The following VAT1L variants were observed in gnomAD, a reference collection of about 807,000 sequenced individuals.
The protein encoded by VAT1L is putative NADPH-dependent quinone oxidoreductase VAT1L.
In VAT1L, 34 loss-of-function variants were observed where a neutral mutation model predicts 44.1. That is an observed-to-expected ratio of 0.77 (90% confidence interval 0.59 to 1.03). The LOEUF (loss-of-function observed/expected upper bound fraction) is 1.03. Among genes scored for constraint, VAT1L ranks in the 50% least tolerant of loss-of-function variants. The pLI is 0.00. For missense variants in VAT1L, 615 were observed against 538.8 expected (o/e 1.14, Z -1.40); for synonymous variants, 253 against 202.2 (o/e 1.25, Z -2.13).
At chr16:77,914,321 T>A (rs1254424923) in intron 7 of VAT1L, among the ~76,000 whole-genome samples, 1 of 152,254 alleles carries the variant, frequency 6.6e-6, no homozygotes, top group Non-Finnish European at 1.5e-5. Context: ...TTTGAGGTTG[T>A]ATGCATTCAT....
intron 6 of VAT1L, among the ~76,000 whole-genome samples, chr16:77,880,523 G>T (rs1471790870): frequency 4.3e-5 from 6 of 140,680 alleles, no homozygotes; most frequent in African/African-American, 7.9e-5. Context: ...TCTCTTCTTT[G>T]AAATGAACCA....
intron 2 of VAT1L, among the ~76,000 whole-genome samples, chr16:77,823,248 T>C (rs1205254573): frequency 3.3e-5 from 5 of 152,048 alleles, no homozygotes; most frequent in Admixed American, 1.3e-4. Flanking sequence ...AACTCTGTTA[T>C]CTTTGGACCG....
intron 4 of VAT1L, 137 bp downstream of exon 4, chr16:77,863,027 C>A: frequency 1.9e-6 from 2 of 1,076,108 alleles, no homozygotes; most frequent in Non-Finnish European, 2.6e-6. Flanking sequence ...TAGCTCTGTG[C>A]CAAATATTTC....
chr16:77,927,085 T>G (rs1240741308), intron 7 of VAT1L, among the ~76,000 whole-genome samples: 1 of 152,086 alleles, frequency 6.6e-6, no homozygotes, highest in Non-Finnish European at 1.5e-5. Flanking sequence ...ACGCCTGTAA[T>G]CCCAGCATTT....
rs778979105 is a variant in VAT1L, at chr16:77,862,909, A to C, written c.722+19A>C. The C allele has an allele frequency of 6.2e-7, 1 of 1,612,684 alleles. No homozygotes were observed. The highest frequency in any genetic ancestry group is 2.2e-5 in the East Asian group (1 of 44,872). On this transcript the variant is annotated intron_variant, in intron 4 of 8. Coordinates refer to ENST00000302536, the MANE Select transcript of VAT1L (RefSeq NM_020927.3). Reference sequence around the variant, plus strand: ...TTAAAAGGTAAGATGTTTGCTTTTGAAAAAGCACCAGGCTGGCCCTTGCTC... The same window carrying C: ...TTAAAAGGTAAGATGTTTGCTTTTGCAAAAGCACCAGGCTGGCCCTTGCTC...
intron 7 of VAT1L, among the ~76,000 whole-genome samples, chr16:77,936,449 C>A (rs1258125973): frequency 6.6e-6 from 1 of 152,000 alleles, no homozygotes; most frequent in East Asian, 1.9e-4. Flanking sequence ...ATGTAAAAGC[C>A]AACATCAAAG....
chr16:77,814,934 A>C (rs905707011), intron 1 of VAT1L, among the ~76,000 whole-genome samples: 1 of 152,202 alleles, frequency 6.6e-6, no homozygotes, highest in African/African-American at 2.4e-5. Flanking sequence ...TTGAATACTG[A>C]CTATGTACGT....
At position 77,915,750 on chromosome 16, in the gene VAT1L, C is replaced by T. The variant is rs147128356; in HGVS notation, c.1077+30948C>T. ...ATGGCAAGTGAGGTTGGCTAGAAGACGGAGCCAGATAGAGGGTCTCACAAA... is the reference window on the plus strand; with the variant it reads ...ATGGCAAGTGAGGTTGGCTAGAAGATGGAGCCAGATAGAGGGTCTCACAAA... On this transcript the variant is annotated intron_variant, in intron 7 of 8. Transcript: ENST00000302536. Among the ~76,000 whole-genome samples the T allele has an allele frequency of 2.1e-3, 314 of 152,240 alleles. 1 individual carries two copies. The highest frequency in any genetic ancestry group is 7.4e-3 in the African/African-American group (306 of 41,524).
chr16:77,949,434 TTGGATGTTTGTTCCCCAAACC>T (rs2018013410), intron 7 of VAT1L, among the ~76,000 whole-genome samples: 1 of 152,164 alleles, frequency 6.6e-6, no homozygotes, highest in Admixed American at 6.5e-5. Flanking sequence ...TGCTAAGAGT[TTGGATGTTTGTTCCCCAAACC>T]TCATGTGGAA....
At chr16:77,810,480 AGAGG>A (rs2016245247) in intron 1 of VAT1L, among the ~76,000 whole-genome samples, 1 of 152,194 alleles carries the variant, frequency 6.6e-6, no homozygotes, top group South Asian at 2.1e-4. Flanking sequence ...CAAAGTACTC[AGAGG>A]TTAAGATGAA....
intron 2 of VAT1L, among the ~76,000 whole-genome samples, chr16:77,817,865 T>G (rs1215619922): frequency 1.3e-5 from 2 of 152,182 alleles, no homozygotes; most frequent in Admixed American, 6.5e-5. Context: ...CAAGGGCTCT[T>G]ACTCATAACT....
intron 7 of VAT1L, among the ~76,000 whole-genome samples, chr16:77,946,473 A>G (rs1471131834): frequency 1.3e-5 from 2 of 151,228 alleles, no homozygotes; most frequent in African/African-American, 2.4e-5. Flanking sequence ...AAGTAGAGAC[A>G]AGGTTTCACC....
chr16:77,873,535 A>G (rs955930136), intron 4 of VAT1L, among the ~76,000 whole-genome samples: 2 of 152,230 alleles, frequency 1.3e-5, no homozygotes, highest in Non-Finnish European at 2.9e-5. Flanking sequence ...GAGAAGCAAC[A>G]CTATATCCAA....
At position 77,884,519 on chromosome 16, in the gene VAT1L, T is replaced by C; in HGVS notation, c.883-89T>C. 1 of 1,360,328 alleles carries C rather than the reference T, an allele frequency of 7.4e-7. No individual in the cohort carries two copies. Among genetic ancestry groups the C allele is most frequent in the Non-Finnish European group, 1.0e-6 (1 of 998,650 alleles). 84.3% of individuals were successfully genotyped at this position (1,360,328 alleles called of 1,614,324 possible). A position where few individuals can be genotyped will look rare whatever the true frequency, so the allele number is the denominator to read the frequency against. ...CTGAGCTGCAGCCCCACGTTCCCCCTGTAGTAGCTGATGACATCAGCAATG... is the reference window on the plus strand; with the variant it reads ...CTGAGCTGCAGCCCCACGTTCCCCCCGTAGTAGCTGATGACATCAGCAATG... On this transcript the variant is annotated intron_variant, in intron 6 of 8. Coordinates refer to ENST00000302536, the MANE Select transcript of VAT1L (RefSeq NM_020927.3). This position sits in a 1 kb window ranked among gnomAD's most constrained non-coding sequence, Gnocchi z 4.5.
intron 1 of VAT1L, among the ~76,000 whole-genome samples, chr16:77,814,950 C>A (rs2016326903): frequency 6.6e-6 from 1 of 152,144 alleles, no homozygotes; most frequent in South Asian, 2.1e-4. Flanking sequence ...TACGTGGCAC[C>A]ACATGTCAGT....
intron 7 of VAT1L, 100 bp from the exon 8 acceptor site, chr16:77,971,750 C>T (rs1433378018): frequency 7.1e-6 from 9 of 1,265,632 alleles, no homozygotes; most frequent in South Asian, 1.5e-5. Context: ...GCCGCAGCGC[C>T]CTCTGGTGGT....
chr16:77,920,405 C>G (rs190045081), intron 7 of VAT1L, among the ~76,000 whole-genome samples: 1 of 152,258 alleles, frequency 6.6e-6, no homozygotes, highest in Admixed American at 6.5e-5. Context: ...CTCCAAAATG[C>G]CCTCTCAAGG....
intron 7 of VAT1L, among the ~76,000 whole-genome samples, chr16:77,959,554 C>G (rs184204695): frequency 9.9e-5 from 15 of 152,264 alleles, no homozygotes; most frequent in African/African-American, 3.6e-4. Context: ...GCGTAGTGAT[C>G]CATGGAATTA....
At chr16:77,841,894 T>C (rs1263706660) in intron 3 of VAT1L, among the ~76,000 whole-genome samples, 1 of 146,888 alleles carries the variant, frequency 6.8e-6, no homozygotes, top group Non-Finnish European at 1.5e-5. Context: ...TTTTTCTTTT[T>C]CTTTTTTTTT....
Sources: allele counts gnomAD v4.1 joint callset (sites outside exome capture counted in the v4.1 genomes callset), GRCh38; gene constraint gnomAD v4.1.1; non-coding constraint Gnocchi (gnomAD v3.1); transcripts MANE v1.5; gene names NCBI Gene and HGNC (gene_info 2026-07-23, HGNC 2026-07-21).